Variants in PIK3R6 observed in about 807,000 individuals in gnomAD.
The protein encoded by PIK3R6 is phosphoinositide-3-kinase regulatory subunit 6, also known as phosphoinositide 3-kinase regulatory subunit 6.
Under a neutral mutation model 84.9 loss-of-function variants are expected in PIK3R6, and 91 were observed. That is an observed-to-expected ratio of 1.07 (90% CI 0.90 to 1.28). The LOEUF is 1.28. Ranked by LOEUF, PIK3R6 falls within the 50% of genes most tolerant of loss-of-function variation. The probability of loss-of-function intolerance (pLI) is 0.00; values close to 1 mark genes in which losing one functional copy is unlikely to be tolerated. For missense variants in PIK3R6, 996 were observed against 985.1 expected (o/e 1.01, Z -0.15); for synonymous variants, 416 against 411.4 (o/e 1.01, Z -0.13).
chr17:8,840,901 T>C (rs897305932), intron 2 of PIK3R6, among the ~76,000 whole-genome samples: 8 of 151,104 alleles, frequency 5.3e-5, no homozygotes, highest in Non-Finnish European at 1.2e-4. Context: ...TACAGGCGCC[T>C]GCCACCACGC....
intron 18 of PIK3R6, among the ~76,000 whole-genome samples, chr17:8,814,769 G>C (rs2087473732): frequency 6.6e-6 from 1 of 151,612 alleles, no homozygotes; most frequent in South Asian, 2.1e-4. Flanking sequence ...GATTGTATTA[G>C]AAAATATCTG....
rs1446300089 is a variant in PIK3R6 at position 8,804,090 on chromosome 17, T to A, written c.2059A>T (p.Thr687Ser). The change falls in exon 19 of 20, where the codon ACA (threonine) becomes TCA (serine). Residue 687 changes from threonine to serine, a missense_variant. By Grantham distance (58) the Thr-to-Ser change is moderately conservative. Coordinates refer to ENST00000619866, the MANE Select transcript of PIK3R6 (RefSeq NM_001010855.4). ...QIQSRDQRLL[T>S]LSLDKDDQRT... The stretch of plus-strand genomic sequence containing the variant: ...TGATCGTCCTTGTCCAGCGACAGTG[T>A]CAGCAGCCTCTGGTCCCGGCTCTGG... 1 of 1,614,030 alleles carries A rather than the reference T, an allele frequency of 6.2e-7. No homozygotes were observed. The highest frequency in any genetic ancestry group is 1.1e-5 in the South Asian group (1 of 91,088).
At chr17:8,825,533 A>G (rs1416183150) in intron 13 of PIK3R6, among the ~76,000 whole-genome samples, 2 of 152,368 alleles carry the variant, frequency 1.3e-5, no homozygotes, top group East Asian at 3.9e-4. Flanking sequence ...ACATGTTAGT[A>G]TCATGTACTA....
At chr17:8,864,598 C>T (rs573770081) in intron 1 of PIK3R6, among the ~76,000 whole-genome samples, 23 of 128,818 alleles carry the variant, frequency 1.8e-4, no homozygotes, top group Admixed American at 1.3e-3. Context: ...AGTGCAGTGG[C>T]GCAATCTCGT....
In PIK3R6 at chr17:8,803,910, T is replaced by C; in HGVS notation, c.2108+131A>G. 1.3e-6 allele frequency: 1 copy of C among 774,020 alleles called. No individual in the cohort carries two copies. Among genetic ancestry groups the C allele is most frequent in the Non-Finnish European group, 2.2e-6 (1 of 464,038 alleles). 47.9% of individuals were successfully genotyped at this position (774,020 alleles called of 1,614,324 possible). A position where few individuals can be genotyped will look rare whatever the true frequency, so the allele number is the denominator to read the frequency against. On this transcript the variant is annotated intron_variant, in intron 19 of 19. Transcript: ENST00000619866. This position sits in a 1 kb window ranked among gnomAD's most constrained non-coding sequence, Gnocchi z 5.0. ...GGCCTCTGTCCATCCTCACCAAGGT[T>C]ACCTGCCTGGCCACAGGATCTACCT...
intron 18 of PIK3R6, among the ~76,000 whole-genome samples, chr17:8,816,365 A>C (rs1368303152): frequency 6.6e-6 from 1 of 152,166 alleles, no homozygotes; most frequent in Non-Finnish European, 1.5e-5. Context: ...ATAGTTTAGG[A>C]AGCATTGTTT....
chr17:8,817,511 A>C (rs545215535), intron 18 of PIK3R6, among the ~76,000 whole-genome samples: 2 of 152,216 alleles, frequency 1.3e-5, no homozygotes, highest in East Asian at 3.9e-4. Context: ...GCATGGAGGC[A>C]TGTGCCTGTA....
In PIK3R6 at chr17:8,839,653, C is replaced by A. The variant is rs1447795416; in HGVS notation, c.58G>T (p.Glu20Ter). The A allele has an allele frequency of 6.3e-7, 1 of 1,580,718 alleles. No homozygotes were observed. ...AGGGCAGGGGCCTGGGTGCTGAGCT[C>A]CCGGAGCACAGCCTGCACGCTCCTC... is the stretch of plus-strand genomic sequence containing the variant. ...LQRSVQAVLR[E>*]LSTQAPALQS... is the part of the protein sequence containing the mutation. The change falls in exon 3 of 20, where the codon GAG becomes TAG. Residue 20 changes from glutamate (E) to a stop codon, truncating the protein, a stop_gained. Transcript: ENST00000619866. LOFTEE classifies it high-confidence loss of function. The surrounding 1 kb of genome is among the most constrained non-coding windows in gnomAD (Gnocchi z 4.2).
At chr17:8,855,225 A>AAAC (rs1555539749) in intron 1 of PIK3R6, among the ~76,000 whole-genome samples, 2,019 of 135,226 alleles carry the variant, frequency 0.015, 51 homozygotes, top group African/African-American at 0.073. Flanking sequence ...AAACAAAACA[A>AAAC]AACAACAATA....
At position 8,862,139 on chromosome 17, in the gene PIK3R6, G is replaced by A. The variant is rs56385700; in HGVS notation, c.-92+5390C>T. ...TGGAGGTCTGAGTCATCCCCTGGGG[G>A]TCTTGGAGTGTGTCCCCTGCAGGTA... is the stretch of plus-strand genomic sequence containing the variant. On this transcript the variant is annotated intron_variant, in intron 1 of 19. Transcript: ENST00000619866. The surrounding 1 kb of genome is among the most constrained non-coding windows in gnomAD (Gnocchi z 4.3). 0.015 allele frequency among the ~76,000 whole-genome samples: 2,275 copies of A among 152,252 alleles called. 66 individuals carry two copies. Among genetic ancestry groups the A allele is most frequent in the African/African-American group, 0.05 (2,090 of 41,534 alleles).
chr17:8,827,196 G>A lies in PIK3R6; in HGVS notation c.1491C>T (p.Pro497=), dbSNP rs369567226. 235 of 1,612,108 alleles carry A rather than the reference G, an allele frequency of 1.5e-4. No homozygotes were observed. Among genetic ancestry groups the A allele is most frequent in the Middle Eastern group, 1.6e-4 (1 of 6,084 alleles). ...CCATCTCAGCCAGCTTGTGGATGGC[G>A]GGGCACAGCGTGTTGACGTTGCTCT... ...WYQSNVNTLC[P]AIHKLAEMPP... Residue 497 remains proline (P), a synonymous_variant, in exon 13 of 20, where the codon CCC becomes CCT. Transcript: ENST00000619866.
At chr17:8,809,443 C>A (rs1463456567) in intron 18 of PIK3R6, among the ~76,000 whole-genome samples, 1 of 152,126 alleles carries the variant, frequency 6.6e-6, no homozygotes, top group Admixed American at 6.5e-5. Flanking sequence ...CCTCACATAT[C>A]AATACTAACC....
intron 1 of PIK3R6, among the ~76,000 whole-genome samples, chr17:8,850,595 T>C (rs2088931380): frequency 6.6e-6 from 1 of 152,168 alleles, no homozygotes; most frequent in South Asian, 2.1e-4. Context: ...TGCTCCACTG[T>C]GACCCCAGTG....
chr17:8,864,575 G>C (rs1462324722), intron 1 of PIK3R6, among the ~76,000 whole-genome samples: 1 of 109,556 alleles, frequency 9.1e-6, no homozygotes, highest in Non-Finnish European at 1.7e-5. Flanking sequence ...GTCTCACTCT[G>C]TCGCCAGACT....
rs1006401981 is a variant in PIK3R6, at chr17:8,862,367, A to T, written c.-92+5162T>A. ...GAAGACAAGGCAGAGTCACTGTCCC[A>T]AAGCTACTCTTGGGCTGGATGACAG... On this transcript the variant is annotated intron_variant, in intron 1 of 19. Coordinates refer to ENST00000619866, the MANE Select transcript of PIK3R6 (RefSeq NM_001010855.4). This position sits in a 1 kb window ranked among gnomAD's most constrained non-coding sequence, Gnocchi z 4.3. Among the ~76,000 whole-genome samples the T allele has an allele frequency of 2.0e-5, 3 of 152,238 alleles. No individual in the cohort carries two copies. In the South Asian group the frequency reaches 6.2e-4, roughly 31 times the overall value.
chr17:8,835,321 C>T lies in PIK3R6; in HGVS notation c.597G>A (p.Ala199=), dbSNP rs1388606916. The part of the protein sequence containing the change: ...MRHVVSHALQ[A]ALGEACHAGA... ...CTGCGTGACAGGCCTCCCCCAGAGC[C>T]GCCTGCAGGGCGTGGGAGACCACGT... Residue 199 remains alanine (A), a synonymous_variant, in exon 8 of 20, where the codon GCG becomes GCA. Transcript: ENST00000619866. 9 of 1,602,826 alleles carry T rather than the reference C, an allele frequency of 5.6e-6. No individual in the cohort carries two copies. Among genetic ancestry groups the T allele is most frequent in the Admixed American group, 3.4e-5 (2 of 59,034 alleles).
At chr17:8,819,909 CATAT>C (rs1280089900) in intron 17 of PIK3R6, among the ~76,000 whole-genome samples, 3 of 140,488 alleles carry the variant, frequency 2.1e-5, no homozygotes, top group Non-Finnish European at 4.5e-5. Flanking sequence ...TGTATACATA[CATAT>C]ATATATTTTA....
In PIK3R6 at chr17:8,836,562, T is replaced by G. The variant is rs1381270260; in HGVS notation, c.446A>C (p.Tyr149Ser). The change falls in exon 7 of 20, where the codon TAT (tyrosine) becomes TCT (serine). Residue 149 changes from tyrosine to serine, a missense_variant. By Grantham distance (144) the Tyr-to-Ser change is moderately radical. Coordinates refer to ENST00000619866, the MANE Select transcript of PIK3R6 (RefSeq NM_001010855.4). ...GGCCACTCACCTCTCCTGGTAGGGA[T>G]ACAGCTCATTCGTCAAGTTCTGTTC... ...IAEQNLTNEL[Y>S]PYQERVFLFV... The G allele has an allele frequency of 1.9e-6, 3 of 1,614,000 alleles. No homozygotes were observed. Among genetic ancestry groups the G allele is most frequent in the Non-Finnish European group, 1.7e-6 (2 of 1,179,884 alleles).
chr17:8,837,857 G>A lies in PIK3R6; in HGVS notation c.204C>T (p.Asp68=), dbSNP rs1255100084. The change falls in exon 5 of 20, where the codon GAC becomes GAT. Residue 68 remains aspartate (D), a synonymous_variant. Coordinates refer to ENST00000619866, the MANE Select transcript of PIK3R6 (RefSeq NM_001010855.4). ...LRELEKAESQ[D]LRHVIIPLLH... ...GCAAGGGAATGATGACATGCCGGAGGTCCTGGCTTTCCGCCTGGAAAACAG... is the reference window on the plus strand; with the variant it reads ...GCAAGGGAATGATGACATGCCGGAGATCCTGGCTTTCCGCCTGGAAAACAG... 6.2e-7 allele frequency: 1 copy of A among 1,613,930 alleles called. No individual in the cohort carries two copies. The highest frequency in any genetic ancestry group is 1.3e-5 in the African/African-American group (1 of 75,058).
Sources: gnomAD v4.1 joint callset for allele counts (sites outside exome capture counted in the v4.1 genomes callset) on GRCh38, gnomAD v4.1.1 for gene constraint, Gnocchi (gnomAD v3.1) non-coding constraint, MANE v1.5 for transcripts, NCBI Gene and HGNC (gene_info 2026-07-23, HGNC 2026-07-21) for gene names.